The following PRKCB variants were observed in gnomAD, a reference collection of about 807,000 sequenced individuals.
PRKCB encodes protein kinase C beta.
A neutral mutation model predicts 81.5 loss-of-function variants in PRKCB; 13 were observed. The ratio of observed to expected loss-of-function variants is 0.16; its 90% CI spans 0.10 to 0.25. The LOEUF (loss-of-function observed/expected upper bound fraction) is 0.25. PRKCB is among the 10% of genes least tolerant of loss of function. PRKCB has a pLI of 1.00. For synonymous variants in PRKCB, 335 were observed against 321.4 expected (o/e 1.04, Z -0.45); for missense variants, 509 against 875.7 (o/e 0.58, Z 5.29).
intron 3 of PRKCB, among the ~76,000 whole-genome samples, chr16:24,021,247 C>CTTCTTCCT (rs1207207911): frequency 3.2e-5 from 3 of 94,996 alleles, no homozygotes; most frequent in African/African-American, 1.3e-4. Context: ...TCCTTCCTTC[C>CTTCTTCCT]TTCTTCCTTT....
In PRKCB at chr16:24,204,086, G is replaced by A. The variant is rs139667628; in HGVS notation, c.1864-10572G>A. Among the ~76,000 whole-genome samples, 85 of 152,152 alleles carry A rather than the reference G, an allele frequency of 5.6e-4. No individual in the cohort carries two copies. In the East Asian group the frequency reaches 0.015, roughly 27 times the overall value. ...TTCAAGCCAGAGCACAGCCCTGTCA[G>A]ACTTACTCACTGGACATGAATGGGT... On this transcript the variant is annotated intron_variant, in intron 16 of 16. Coordinates refer to ENST00000643927, the MANE Select transcript of PRKCB (RefSeq NM_002738.7).
At chr16:23,966,974 C>G (rs1027270612) in intron 2 of PRKCB, among the ~76,000 whole-genome samples, 5 of 151,858 alleles carry the variant, frequency 3.3e-5, no homozygotes, top group African/African-American at 4.8e-5. Flanking sequence ...TTGTAAAAAC[C>G]GTGAACTCTC....
At chr16:23,924,429 T>A (rs1597247972) in intron 2 of PRKCB, among the ~76,000 whole-genome samples, 1 of 152,062 alleles carries the variant, frequency 6.6e-6, no homozygotes, top group African/African-American at 2.4e-5. Flanking sequence ...GCTGGGCAAG[T>A]ATCATATTGC....
intron 3 of PRKCB, among the ~76,000 whole-genome samples, chr16:24,010,620 C>T (rs867697523): frequency 9.2e-5 from 14 of 152,156 alleles, no homozygotes; most frequent in South Asian, 4.1e-4. Flanking sequence ...TTGGCTGGGA[C>T]ATATCCTTAG....
intron 2 of PRKCB, among the ~76,000 whole-genome samples, chr16:23,841,590 T>A (rs1247817570): frequency 6.6e-6 from 1 of 151,052 alleles, no homozygotes; most frequent in Admixed American, 6.6e-5. Context: ...TGGGCTCAAG[T>A]GATTCTCCTG....
chr16:24,207,574 C>A (rs747900473), intron 16 of PRKCB, among the ~76,000 whole-genome samples: 21 of 152,132 alleles, frequency 1.4e-4, no homozygotes, highest in Non-Finnish European at 2.8e-4. Flanking sequence ...TCTTCTACAT[C>A]TTCTTTTAAT....
chr16:24,117,922 C>T (rs1350970659), intron 8 of PRKCB, among the ~76,000 whole-genome samples: 1 of 152,186 alleles, frequency 6.6e-6, no homozygotes, highest in Non-Finnish European at 1.5e-5. Flanking sequence ...AAGGGCTGCT[C>T]CCAGGGAAAT....
rs1348028486 is a variant in PRKCB, at chr16:23,942,465, G to A, written c.206-46043G>A. Among the ~76,000 whole-genome samples the A allele has an allele frequency of 2.6e-5, 4 of 152,232 alleles. No individual in the cohort carries two copies. The East Asian group carries it at 7.7e-4, about 29-fold the overall frequency. On this transcript the variant is annotated intron_variant, in intron 2 of 16. Coordinates refer to ENST00000643927, the MANE Select transcript of PRKCB (RefSeq NM_002738.7). ...TAGACATGTGAGCCTGGAGCTTGGA[G>A]CATTGGAGTTTGAGAAATGGCTTGA...
At chr16:23,891,018 TG>T (rs1473869971) in intron 2 of PRKCB, among the ~76,000 whole-genome samples, 1 of 151,076 alleles carries the variant, frequency 6.6e-6, no homozygotes, top group East Asian at 1.9e-4. Flanking sequence ...TGTGTGTGTG[TG>T]TGTATATATA....
rs1567310557 is a variant in PRKCB at position 23,910,367 on chromosome 16, TTA to T, written c.205+72962_205+72963del. ...GGTGGTACTTAAGACCTGGCACTAA[TTA>T]ACACTAGATCACTGTGTGGGAAACA... On this transcript the variant is annotated intron_variant, in intron 2 of 16. Transcript: ENST00000643927. Among the ~76,000 whole-genome samples the T allele has an allele frequency of 7.2e-5, 11 of 152,278 alleles. 1 individual carries two copies. Among genetic ancestry groups the T allele is most frequent in the Admixed American group, 4.6e-4 (7 of 15,286 alleles).
chr16:23,923,303 T>A (rs2141747966), intron 2 of PRKCB, among the ~76,000 whole-genome samples: 1 of 151,772 alleles, frequency 6.6e-6, no homozygotes, highest in Middle Eastern at 3.4e-3. Context: ...ATTGGCTCCC[T>A]TCTCAGATGG....
chr16:24,120,014 A>G (rs568955953), intron 8 of PRKCB, among the ~76,000 whole-genome samples: 1 of 152,348 alleles, frequency 6.6e-6, no homozygotes, highest in East Asian at 1.9e-4. Context: ...GCCATTCAGC[A>G]ATACAAAGAG....
chr16:23,862,579 G>A (rs1004948003), intron 2 of PRKCB, among the ~76,000 whole-genome samples: 1 of 152,108 alleles, frequency 6.6e-6, no homozygotes. Context: ...GTTCACTTTC[G>A]AGTAATTTCA....
Position 24,185,492 on chromosome 16 carries a change from C to T in PRKCB, c.1647C>T (p.Leu549=). ...TTGAAGGGGAGGATGAAGATGAACT[C>T]TTCCAATCCATCATGGAACACAACG... is the stretch of plus-strand genomic sequence containing the variant. The part of the protein sequence containing the change: ...APFEGEDEDE[L]FQSIMEHNVA... Residue 549 remains leucine (L), a synonymous_variant, in exon 15 of 17, where the codon CTC becomes CTT. Coordinates refer to ENST00000643927, the MANE Select transcript of PRKCB (RefSeq NM_002738.7). 1 of 1,614,154 alleles carries T rather than the reference C, an allele frequency of 6.2e-7. No individual in the cohort carries two copies. Among genetic ancestry groups the T allele is most frequent in the Non-Finnish European group, 8.5e-7 (1 of 1,179,998 alleles).
rs756787003 is a variant in PRKCB, at chr16:24,191,553, G to A, written c.1863+323G>A. 6.1e-5 allele frequency: 13 copies of A among 211,558 alleles called. No homozygotes were observed. The Admixed American group carries it at 6.7e-4, about 11-fold the overall frequency. 13.1% of individuals were successfully genotyped at this position (211,558 alleles called of 1,614,324 possible). ...GAGTTCAGATCCATTTTTGGACTGT[G>A]ATAAAGGATCTAATTTTGCCCTCAT... On this transcript the variant is annotated intron_variant, in intron 16 of 16. Transcript: ENST00000643927.
intron 2 of PRKCB, among the ~76,000 whole-genome samples, chr16:23,871,976 G>C (rs1221970905): frequency 6.6e-6 from 1 of 151,448 alleles, no homozygotes; most frequent in African/African-American, 2.4e-5. Context: ...TGCCTGTCTT[G>C]TTCTCTGTTA....
At chr16:24,146,637 A>G (rs2141947798) in intron 9 of PRKCB, among the ~76,000 whole-genome samples, 1 of 152,282 alleles carries the variant, frequency 6.6e-6, no homozygotes, top group African/African-American at 2.4e-5. Context: ...TCGCCAGTAA[A>G]GTTCATCACC....
chr16:24,110,510 CTTTTTTTT>C (rs1211090636), intron 7 of PRKCB, among the ~76,000 whole-genome samples: 1 of 111,176 alleles, frequency 9.0e-6, no homozygotes, highest in African/African-American at 4.5e-5. Context: ...CATGCCCAAC[CTTTTTTTT>C]TTTTTTTTTT....
At chr16:23,912,100 G>A (rs564944333) in intron 2 of PRKCB, among the ~76,000 whole-genome samples, 1 of 152,104 alleles carries the variant, frequency 6.6e-6, no homozygotes, top group South Asian at 2.1e-4. Flanking sequence ...CCAAAGCGCT[G>A]GGATTACAGA....
Sources: allele counts gnomAD v4.1 joint callset (sites outside exome capture counted in the v4.1 genomes callset), GRCh38; gene constraint gnomAD v4.1.1; transcripts MANE v1.5; gene names NCBI Gene and HGNC (gene_info 2026-07-23, HGNC 2026-07-21).